SFSWAP: variants seen among roughly 807,000 people sequenced by gnomAD.
SFSWAP encodes the protein splicing factor SWAP, also known as splicing factor, suppressor of white-apricot homolog.
Under a neutral mutation model 100.7 loss-of-function variants are expected in SFSWAP, and 17 were observed. That is an observed-to-expected ratio of 0.17 (90% CI 0.12 to 0.25). SFSWAP has a LOEUF of 0.25. SFSWAP is among the 10% of genes least tolerant of loss of function. The pLI is 1.00. For synonymous variants in SFSWAP, 504 were observed against 510.1 expected, an observed-to-expected ratio of 0.99 and a Z score of 0.16; for missense variants, 1,005 against 1,262.6, an observed-to-expected ratio of 0.80 and a Z score of 3.09.
At chr12:131,752,726 A>T (rs114567994) in intron 7 of SFSWAP, among the ~76,000 whole-genome samples, 1 of 152,232 alleles carries the variant, frequency 6.6e-6, no homozygotes, top group African/African-American at 2.4e-5. Context: ...ATTTCCTCAC[A>T]TGTGCATTTA....
chr12:131,753,146 A>T lies in SFSWAP; in HGVS notation c.1105A>T (p.Ser369Cys), dbSNP rs746239981. 6.2e-7 allele frequency: 1 copy of T among 1,613,964 alleles called. No homozygotes were observed. The highest frequency in any genetic ancestry group is 8.5e-7 in the Non-Finnish European group (1 of 1,179,876). The stretch of plus-strand genomic sequence containing the variant: ...AGCGACCGTGGCAGCCATGTATTAC[A>T]GCTACTACATGCTACCGGACGGCAC... ...ADSTVAAMYY[S>C]YYMLPDGTYC... The change falls in exon 8 of 18, where the codon AGC becomes TGC. Residue 369 changes from serine (S) to cysteine (C), a missense_variant. By Grantham distance (112) the Ser-to-Cys change is moderately radical. Transcript: ENST00000261674.
intron 8 of SFSWAP, among the ~76,000 whole-genome samples, chr12:131,753,956 C>A (rs1048563679): frequency 6.6e-6 from 1 of 152,114 alleles, no homozygotes; most frequent in African/African-American, 2.4e-5. Flanking sequence ...GAATGAAACA[C>A]GCGAGTTTCT....
chr12:131,715,833 C>T lies in SFSWAP; in HGVS notation c.520+880C>T, dbSNP rs190782837. 1.9e-4 allele frequency among the ~76,000 whole-genome samples: 29 copies of T among 152,248 alleles called. No homozygotes were observed. In the East Asian group the frequency reaches 5.6e-3, roughly 29 times the overall value. On this transcript the variant is annotated intron_variant, in intron 3 of 17. Transcript: ENST00000261674. ...TTCATCGGTTTCTCCTTAAGTAACA[C>T]TTTTTATCTTTTTAAATTTTTTTAT...
intron 7 of SFSWAP, among the ~76,000 whole-genome samples, chr12:131,732,231 A>G (rs1879585808): frequency 6.6e-6 from 1 of 152,136 alleles, no homozygotes; most frequent in Admixed American, 6.6e-5. Context: ...TACTTAAGAA[A>G]CAAAGTAAAA....
intron 13 of SFSWAP, among the ~76,000 whole-genome samples, chr12:131,772,442 A>G (rs2061236): frequency 0.97 from 147,596 of 152,332 alleles, 71,706 homozygotes; most frequent in East Asian, 1. Flanking sequence ...TGCAAAAATC[A>G]TGCATATAAA....
Position 131,797,188 on chromosome 12 carries a change from GAGAAGA to G in SFSWAP, c.2555_2560del (p.Lys852_Lys853del). On this transcript the variant is annotated inframe_deletion, in exon 16 of 18. Transcript: ENST00000261674. Reference sequence around the variant, plus strand: ...ACTCTTGCCTTTCAGAAGTCCCCACGAGAAGAAGAAGAAGAGGCGGTCCCGGTCGCG... The same window carrying G: ...ACTCTTGCCTTTCAGAAGTCCCCACGAGAAGAAGAGGCGGTCCCGGTCGCG... 6.2e-7 allele frequency: 1 copy of G among 1,608,646 alleles called. No individual in the cohort carries two copies. The highest frequency in any genetic ancestry group is 1.1e-5 in the South Asian group (1 of 90,982).
chr12:131,713,937 C>T (rs1164637951), intron 1 of SFSWAP, 134 bp from the exon 2 acceptor site: 2 of 512,760 alleles, frequency 3.9e-6, no homozygotes, highest in Non-Finnish European at 6.4e-6. Flanking sequence ...AGTTTTTATA[C>T]TTGTTTTAAT....
chr12:131,725,746 A>T lies in SFSWAP; in HGVS notation c.832+116A>T. 1 of 749,456 alleles carries T rather than the reference A, an allele frequency of 1.3e-6. No individual in the cohort carries two copies. Among genetic ancestry groups the T allele is most frequent in the Non-Finnish European group, 2.3e-6 (1 of 442,470 alleles). The allele number at this position is 749,456 out of a possible 1,614,324, so 46.4% of individuals were successfully genotyped here. A position where few individuals can be genotyped will look rare whatever the true frequency, so the allele number is the denominator to read the frequency against. On this transcript the variant is annotated intron_variant, in intron 5 of 17. Coordinates refer to ENST00000261674, the MANE Select transcript of SFSWAP (RefSeq NM_004592.4). The surrounding 1 kb of genome is among the most constrained non-coding windows in gnomAD (Gnocchi z 4.3). ...ACATTCTTACAGATGCATGGTTGAA[A>T]GCCAGACTCGAATTTCTAGAATGTG...
intron 1 of SFSWAP, chr12:131,712,303 A>G (rs1030487222): frequency 6.6e-6 from 1 of 152,194 alleles, no homozygotes; most frequent in African/African-American, 2.4e-5. Context: ...GTTTGATTTG[A>G]AAAGGATAAC....
At chr12:131,782,491 G>A in intron 14 of SFSWAP, among the ~76,000 whole-genome samples, 1 of 152,214 alleles carries the variant, frequency 6.6e-6, no homozygotes, top group East Asian at 1.9e-4. Flanking sequence ...CCTCCACTCA[G>A]AATGGATCGG....
intron 13 of SFSWAP, among the ~76,000 whole-genome samples, chr12:131,770,290 C>T (rs190288488): frequency 3.9e-5 from 6 of 152,336 alleles, no homozygotes; most frequent in Non-Finnish European, 7.3e-5. Context: ...GGCCACCGCA[C>T]GCCCTGGGTG....
intron 7 of SFSWAP, among the ~76,000 whole-genome samples, chr12:131,745,858 G>A (rs902476334): frequency 4.0e-5 from 6 of 151,840 alleles, no homozygotes; most frequent in South Asian, 2.1e-4. Context: ...TCCAGCAGCC[G>A]AATAAGCCTG....
intron 14 of SFSWAP, among the ~76,000 whole-genome samples, chr12:131,780,199 A>G (rs905235619): frequency 6.6e-6 from 1 of 152,246 alleles, no homozygotes; most frequent in Non-Finnish European, 1.5e-5. Flanking sequence ...TTCACTCTAC[A>G]TTTTTGCGAG....
chr12:131,782,997 A>G (rs559255414), intron 14 of SFSWAP, among the ~76,000 whole-genome samples: 8 of 152,236 alleles, frequency 5.3e-5, no homozygotes, highest in Non-Finnish European at 8.8e-5. Flanking sequence ...CCTGGCCAAC[A>G]TGGTAAAACC....
chr12:131,790,547 CG>C (rs1885170744), intron 15 of SFSWAP, among the ~76,000 whole-genome samples: 1 of 152,170 alleles, frequency 6.6e-6, no homozygotes, highest in Non-Finnish European at 1.5e-5. Flanking sequence ...CACCTACAGC[CG>C]CAGCTACTTG....
intron 6 of SFSWAP, among the ~76,000 whole-genome samples, chr12:131,727,507 G>A (rs1333702450): frequency 1.3e-5 from 2 of 152,146 alleles, no homozygotes; most frequent in African/African-American, 2.4e-5. Context: ...TTAGCCAGGC[G>A]TGGTGGGTAC....
chr12:131,741,887 C>T (rs145792122), intron 7 of SFSWAP, among the ~76,000 whole-genome samples: 85 of 152,234 alleles, frequency 5.6e-4, no homozygotes, highest in African/African-American at 1.9e-3. Context: ...TACTTCCCTC[C>T]GCTGCTTTTC....
In SFSWAP at chr12:131,749,841, C is replaced by T. The variant is rs538173663; in HGVS notation, c.1082-3282C>T. ...CATAGCTGCACACCAGTCCTAGTGGCGCAGGAGTTGCCATAGGGCGTTGTT... is the reference window on the plus strand; with the variant it reads ...CATAGCTGCACACCAGTCCTAGTGGTGCAGGAGTTGCCATAGGGCGTTGTT... On this transcript the variant is annotated intron_variant, in intron 7 of 17. Transcript: ENST00000261674. 6.6e-5 allele frequency among the ~76,000 whole-genome samples: 10 copies of T among 152,330 alleles called. No homozygotes were observed. The South Asian group carries it at 1.7e-3, about 25-fold the overall frequency.
rs1434052764 is a variant in SFSWAP, at chr12:131,794,828, AAATG to A, written c.2535-2344_2535-2341del. On this transcript the variant is annotated intron_variant, in intron 15 of 17. Coordinates refer to ENST00000261674, the MANE Select transcript of SFSWAP (RefSeq NM_004592.4). The surrounding 1 kb of genome is among the most constrained non-coding windows in gnomAD (Gnocchi z 4.8). ...AGTGGCACCTCGGTGCTTTAAAAAAAAATGAATGAGTTGCTCCATTCCTTCAGCA... is the reference window on the plus strand; with the variant it reads ...AGTGGCACCTCGGTGCTTTAAAAAAAAATGAGTTGCTCCATTCCTTCAGCA... 6.6e-6 allele frequency among the ~76,000 whole-genome samples: 1 copy of A among 152,242 alleles called. No homozygotes were observed. The highest frequency in any genetic ancestry group is 1.5e-5 in the Non-Finnish European group (1 of 68,050).
Sources: allele counts gnomAD v4.1 joint callset (sites outside exome capture counted in the v4.1 genomes callset), GRCh38; gene constraint gnomAD v4.1.1; non-coding constraint Gnocchi (gnomAD v3.1); transcripts MANE v1.5; gene names NCBI Gene and HGNC (gene_info 2026-07-23, HGNC 2026-07-21).